Variants in MPDZ observed in about 807,000 individuals in gnomAD.
MPDZ encodes multiple PDZ domain protein.
A neutral mutation model predicts 239.1 loss-of-function variants in MPDZ; 234 were observed. That is an observed-to-expected ratio of 0.98 (90% CI 0.88 to 1.09). The LOEUF is 1.09. Ranked by LOEUF, MPDZ falls within the 50% of genes least tolerant of loss-of-function variation. The pLI, the probability that MPDZ is intolerant of heterozygous loss-of-function variation, is 0.00. For synonymous variants in MPDZ, 1,048 were observed against 881.3 expected, an observed-to-expected ratio of 1.19 and a Z score of -3.35; for missense variants, 3,175 against 2,510.0, an observed-to-expected ratio of 1.26 and a Z score of -5.66.
At chr9:13,131,679 C>T (rs543321529) in intron 32 of MPDZ, among the ~76,000 whole-genome samples, 3 of 152,158 alleles carry the variant, frequency 2.0e-5, no homozygotes, top group East Asian at 1.9e-4. Context: ...GTCTTTATCC[C>T]TGCTATGTAA....
chr9:13,151,053 T>A lies in MPDZ; in HGVS notation c.3453-365A>T, dbSNP rs117840939. Among the ~76,000 whole-genome samples the A allele has an allele frequency of 6.4e-3, 978 of 152,030 alleles. 7 individuals carry two copies. Among genetic ancestry groups the A allele is most frequent in the Non-Finnish European group, 9.8e-3 (668 of 67,968 alleles). Reference sequence around the variant, plus strand: ...GACCAATAAGCACATGAAAAGATGTTTAACATCACTAAATATTATGGAAAT... The same window carrying A: ...GACCAATAAGCACATGAAAAGATGTATAACATCACTAAATATTATGGAAAT... On this transcript the variant is annotated intron_variant, in intron 24 of 46. Transcript: ENST00000319217.
intron 3 of MPDZ, among the ~76,000 whole-genome samples, chr9:13,226,748 CA>C: frequency 6.6e-6 from 1 of 152,220 alleles, no homozygotes; most frequent in Non-Finnish European, 1.5e-5. Flanking sequence ...GACTAGAATG[CA>C]AAAACTCTCC....
chr9:13,210,182 G>C (rs1467067964), intron 10 of MPDZ, among the ~76,000 whole-genome samples: 1 of 151,856 alleles, frequency 6.6e-6, no homozygotes, highest in African/African-American at 2.4e-5. Context: ...GAGAGACTAG[G>C]TTATCTGTAC....
intron 19 of MPDZ, among the ~76,000 whole-genome samples, chr9:13,176,672 A>T (rs1952536775): frequency 1.3e-5 from 2 of 151,852 alleles, no homozygotes; most frequent in African/African-American, 4.8e-5. Context: ...CTTGTACAAG[A>T]TACTGTACGT....
intron 13 of MPDZ, among the ~76,000 whole-genome samples, chr9:13,194,569 G>C (rs1396562078): frequency 2.0e-5 from 3 of 151,982 alleles, no homozygotes; most frequent in Non-Finnish European, 4.4e-5. Context: ...AGGGGAGGGA[G>C]AGCATTAGGA....
At chr9:13,138,655 A>G (rs1282132953) in intron 28 of MPDZ, among the ~76,000 whole-genome samples, 2 of 152,222 alleles carry the variant, frequency 1.3e-5, no homozygotes, top group African/African-American at 2.4e-5. Context: ...TTAGGCCAGG[A>G]CAACTTGATA....
At chr9:13,134,889 C>T (rs1946511615) in intron 31 of MPDZ, 1 of 152,392 alleles carries the variant, frequency 6.6e-6, no homozygotes, top group Non-Finnish European at 1.5e-5. Context: ...GCCACATGCC[C>T]TCCTGGTTCT....
chr9:13,279,179 C>G (rs1363844391), intron 1 of MPDZ: 1 of 149,444 alleles, frequency 6.7e-6, no homozygotes, highest in Non-Finnish European at 1.5e-5. Context: ...GCAGCGGCTT[C>G]CGCGAAGCGC....
intron 42 of MPDZ, among the ~76,000 whole-genome samples, 153 bp downstream of exon 42, chr9:13,112,858 A>T (rs1268276867): frequency 6.6e-6 from 1 of 152,208 alleles, no homozygotes; most frequent in East Asian, 1.9e-4. Flanking sequence ...GAAATTCATT[A>T]AGGACTACAT....
At chr9:13,271,322 G>T (rs1378282729) in intron 1 of MPDZ, among the ~76,000 whole-genome samples, 1 of 152,110 alleles carries the variant, frequency 6.6e-6, no homozygotes, top group East Asian at 1.9e-4. Flanking sequence ...ATCCAAAGGG[G>T]ATCAGAACAT....
intron 1 of MPDZ, among the ~76,000 whole-genome samples, chr9:13,265,340 C>T (rs1022317099): frequency 2.0e-5 from 3 of 152,160 alleles, no homozygotes; most frequent in African/African-American, 4.8e-5. Context: ...GACGCTGAGG[C>T]GGTCAGATCA....
At chr9:13,152,739 G>A (rs577336861) in intron 24 of MPDZ, among the ~76,000 whole-genome samples, 6 of 151,942 alleles carry the variant, frequency 3.9e-5, no homozygotes, top group South Asian at 2.1e-4. Flanking sequence ...GTATGCTCCC[G>A]CCTTGGGGCC....
rs374726357 is a variant in MPDZ at position 13,158,512 on chromosome 9, C to A, written c.3360-402G>T. ...CATGTAGGTTTTAAGCATGTATGCACAGCCCTGAACCTTGTCCTGAATGAA... is the reference window on the plus strand; with the variant it reads ...CATGTAGGTTTTAAGCATGTATGCAAAGCCCTGAACCTTGTCCTGAATGAA... On this transcript the variant is annotated intron_variant, in intron 23 of 46. Transcript: ENST00000319217. Among the ~76,000 whole-genome samples the A allele has an allele frequency of 2.0e-5, 3 of 152,142 alleles. No individual in the cohort carries two copies. In the South Asian group the frequency reaches 6.2e-4, roughly 31 times the overall value.
chr9:13,227,804 G>C (rs1455388595), intron 3 of MPDZ, among the ~76,000 whole-genome samples: 2 of 152,120 alleles, frequency 1.3e-5, no homozygotes. Flanking sequence ...CCCTGACCTT[G>C]AGGTCTACAT....
chr9:13,180,943 C>T (rs1587577710), intron 19 of MPDZ, among the ~76,000 whole-genome samples: 1 of 152,194 alleles, frequency 6.6e-6, no homozygotes, highest in East Asian at 1.9e-4. Context: ...TGGCTACAGC[C>T]CTTTGGTGTT....
rs182388883 is a variant in MPDZ at position 13,108,915 on chromosome 9, G to A, written c.6066+21C>T. On this transcript the variant is annotated intron_variant, in intron 46 of 46. Transcript: ENST00000319217. ...ATGAATGTTTAGGGGAAAAGAGGGTGGTTAAAATTTGCAAGCTTACCTTTG... is the reference window on the plus strand; with the variant it reads ...ATGAATGTTTAGGGGAAAAGAGGGTAGTTAAAATTTGCAAGCTTACCTTTG... The A allele has an allele frequency of 8.5e-5, 136 of 1,606,960 alleles. 1 individual carries two copies. The African/African-American group carries it at 1.6e-3, about 19-fold the overall frequency.
chr9:13,136,854 G>T, intron 29 of MPDZ, 51 bp from the exon 30 acceptor site: 3 of 1,079,090 alleles, frequency 2.8e-6, no homozygotes, highest in Non-Finnish European at 2.7e-6. Context: ...GTATCATAAA[G>T]TTTTATCATC....
chr9:13,213,082 T>C (rs941568728), intron 10 of MPDZ, among the ~76,000 whole-genome samples: 2 of 152,148 alleles, frequency 1.3e-5, no homozygotes, highest in Non-Finnish European at 2.9e-5. Context: ...CATAATTTCC[T>C]ACTGCTTTTA....
chr9:13,135,212 C>G (rs1273129092), intron 31 of MPDZ: 1 of 152,170 alleles, frequency 6.6e-6, no homozygotes, highest in Non-Finnish European at 1.5e-5. Context: ...GTCACTAAGT[C>G]AGATATCTGA....
Sources: allele counts gnomAD v4.1 joint callset (sites outside exome capture counted in the v4.1 genomes callset), GRCh38; gene constraint gnomAD v4.1.1; transcripts MANE v1.5; gene names NCBI Gene and HGNC (gene_info 2026-07-23, HGNC 2026-07-21).